The following ENOX1 variants were observed in gnomAD, a reference collection of about 807,000 sequenced individuals.
The protein encoded by ENOX1 is ecto-NOX disulfide-thiol exchanger 1.
Under a neutral mutation model 82.5 loss-of-function variants are expected in ENOX1, and 42 were observed. That is an observed-to-expected ratio of 0.51 (90% CI 0.40 to 0.66). The LOEUF is 0.66. ENOX1 is among the 30% of genes least tolerant of loss of function. ENOX1 has a pLI of 0.00. For missense variants in ENOX1, 608 were observed against 811.6 expected (o/e 0.75, Z 3.05); for synonymous variants, 271 against 282.2 (o/e 0.96, Z 0.40).
chr13:43,284,834 G>A (rs1194576590), intron 12 of ENOX1, among the ~76,000 whole-genome samples: 1 of 149,970 alleles, frequency 6.7e-6, no homozygotes, highest in African/African-American at 2.5e-5. Context: ...GGGGAGATAG[G>A]AATAGAGACA....
At position 43,412,812 on chromosome 13, in the gene ENOX1, T is replaced by G. The variant is rs79015657; in HGVS notation, c.70+33A>C. ...TTCCACTAAGAACTCAAAAAATCCT[T>G]GTTTGTGTCCTGTGCTGGCCACTGG... On this transcript the variant is annotated intron_variant, in intron 4 of 16. Transcript: ENST00000690772. 14,642 of 1,610,868 alleles carry G rather than the reference T, an allele frequency of 9.1e-3. 486 individuals carry two copies. The African/African-American group carries it at 0.099, about 11-fold the overall frequency.
At chr13:43,725,562 G>A (rs923115165) in intron 1 of ENOX1, among the ~76,000 whole-genome samples, 1 of 152,090 alleles carries the variant, frequency 6.6e-6, no homozygotes, top group Non-Finnish European at 1.5e-5. Flanking sequence ...TTCGACTCCT[G>A]TGTCAAATTT....
In ENOX1 at chr13:43,376,398, G is replaced by A. The variant is rs2051637091; in HGVS notation, c.209-14946C>T. Reference sequence around the variant, plus strand: ...GTTCAGTGTCTTTTCTTGATGTCTTGAACAAAGATTGCTATAATACACTCA... The same window carrying A: ...GTTCAGTGTCTTTTCTTGATGTCTTAAACAAAGATTGCTATAATACACTCA... On this transcript the variant is annotated intron_variant, in intron 5 of 16. Transcript: ENST00000690772. Among the ~76,000 whole-genome samples the A allele has an allele frequency of 2.0e-5, 3 of 152,106 alleles. No individual in the cohort carries two copies. In the South Asian group the frequency reaches 6.2e-4, roughly 31 times the overall value.
chr13:43,435,059 G>A (rs1044312981), intron 3 of ENOX1, among the ~76,000 whole-genome samples: 4 of 148,326 alleles, frequency 2.7e-5, no homozygotes, highest in African/African-American at 9.9e-5. Context: ...CATAATACCC[G>A]GCACGCAGAA....
At chr13:43,363,866 G>A (rs541397734) in intron 5 of ENOX1, among the ~76,000 whole-genome samples, 1 of 152,310 alleles carries the variant, frequency 6.6e-6, no homozygotes, top group South Asian at 2.1e-4. Flanking sequence ...TACCACTCTT[G>A]TACAACGTAT....
intron 2 of ENOX1, 69 bp from the exon 3 acceptor site, chr13:43,484,221 T>C: frequency 2.5e-6 from 2 of 815,926 alleles, no homozygotes; most frequent in Non-Finnish European, 3.0e-6. Context: ...ATGGTATTAT[T>C]ATCACTTATA....
Position 43,288,457 on chromosome 13 carries a change from T to TA in ENOX1, c.1446+9888dup, listed in dbSNP as rs1417680148. Among the ~76,000 whole-genome samples, 4 of 152,218 alleles carry TA rather than the reference T, an allele frequency of 2.6e-5. No individual in the cohort carries two copies. In the South Asian group the frequency reaches 6.2e-4, roughly 24 times the overall value. ...ACAGCTTGTAAAGACTCCAGGTTTTTATATGTGTATGTCTATTTATACATA... is the reference window on the plus strand; with the variant it reads ...ACAGCTTGTAAAGACTCCAGGTTTTTAATATGTGTATGTCTATTTATACATA... On this transcript the variant is annotated intron_variant, in intron 12 of 16. Coordinates refer to ENST00000690772, the MANE Select transcript of ENOX1 (RefSeq NM_001347969.2).
intron 2 of ENOX1, among the ~76,000 whole-genome samples, chr13:43,558,178 A>G (rs1224444670): frequency 6.6e-6 from 1 of 152,182 alleles, no homozygotes; most frequent in Non-Finnish European, 1.5e-5. Context: ...ACTGGGAAGA[A>G]CAGGACACAT....
chr13:43,692,420 A>G (rs1460524870), intron 1 of ENOX1, among the ~76,000 whole-genome samples: 3 of 152,214 alleles, frequency 2.0e-5, no homozygotes, highest in Non-Finnish European at 4.4e-5. Context: ...AAGGATTGAT[A>G]CATTTGATTG....
rs146059747 is a variant in ENOX1 at position 43,237,874 on chromosome 13, C to T, written c.1612-1136G>A. ...GAGCTTAATTTAACTTATGAGCTACCACTTTGTAATCCAGGGGTAATTAGA... is the reference window on the plus strand; with the variant it reads ...GAGCTTAATTTAACTTATGAGCTACTACTTTGTAATCCAGGGGTAATTAGA... On this transcript the variant is annotated intron_variant, in intron 14 of 16. Coordinates refer to ENST00000690772, the MANE Select transcript of ENOX1 (RefSeq NM_001347969.2). Among the ~76,000 whole-genome samples the T allele has an allele frequency of 4.5e-4, 68 of 152,234 alleles. 1 individual carries two copies. Among genetic ancestry groups the T allele is most frequent in the African/African-American group, 1.6e-3 (66 of 41,532 alleles).
rs895162335 is a variant in ENOX1, at chr13:43,704,758, C to G, written c.-284-37214G>C. Among the ~76,000 whole-genome samples the G allele has an allele frequency of 4.6e-5, 7 of 152,138 alleles. 1 individual carries two copies. The highest frequency in any genetic ancestry group is 4.6e-4 in the Admixed American group (7 of 15,272). ...TCCAAAGAGCACAGGATAAAACGAA[C>G]CAATGGAAGGCGGAAAGAACCAAAT... is the stretch of plus-strand genomic sequence containing the variant. On this transcript the variant is annotated intron_variant, in intron 1 of 16. Coordinates refer to ENST00000690772, the MANE Select transcript of ENOX1 (RefSeq NM_001347969.2).
intron 5 of ENOX1, among the ~76,000 whole-genome samples, chr13:43,395,433 T>C (rs1188563717): frequency 1.3e-5 from 2 of 152,158 alleles, no homozygotes; most frequent in East Asian, 1.9e-4. Context: ...GGAGGATCAC[T>C]TGGATAGCTT....
chr13:43,360,501 A>G (rs1172220366), intron 6 of ENOX1, among the ~76,000 whole-genome samples: 1 of 152,068 alleles, frequency 6.6e-6, no homozygotes, highest in African/African-American at 2.4e-5. Context: ...AAGCACGCAC[A>G]ATACTTACTT....
intron 1 of ENOX1, among the ~76,000 whole-genome samples, chr13:43,752,138 T>C (rs948617959): frequency 6.6e-6 from 1 of 152,206 alleles, no homozygotes; most frequent in Non-Finnish European, 1.5e-5. Flanking sequence ...TGATTAATCA[T>C]GTTGAGCATC....
intron 2 of ENOX1, among the ~76,000 whole-genome samples, chr13:43,540,912 A>C (rs762530016): frequency 2.6e-5 from 4 of 152,166 alleles, no homozygotes; most frequent in Non-Finnish European, 5.9e-5. Flanking sequence ...TCAACAGCAC[A>C]TAAGAATCTC....
chr13:43,671,464 A>G (rs2085262484), intron 1 of ENOX1, among the ~76,000 whole-genome samples: 1 of 152,218 alleles, frequency 6.6e-6, no homozygotes, highest in Non-Finnish European at 1.5e-5. Flanking sequence ...TAGAAAGCAA[A>G]CAAAAGTTCT....
intron 5 of ENOX1, among the ~76,000 whole-genome samples, chr13:43,385,210 TATC>T (rs2052334503): frequency 6.6e-6 from 1 of 152,176 alleles, no homozygotes; most frequent in Non-Finnish European, 1.5e-5. Flanking sequence ...TATCTTATAA[TATC>T]AATAAATAAC....
intron 5 of ENOX1, among the ~76,000 whole-genome samples, chr13:43,366,511 C>T (rs1055187385): frequency 1.3e-5 from 2 of 152,138 alleles, no homozygotes; most frequent in East Asian, 1.9e-4. Context: ...CTCCTGACCT[C>T]GTGATCTGCC....
chr13:43,591,131 G>A (rs2081228978), intron 2 of ENOX1, among the ~76,000 whole-genome samples: 1 of 152,118 alleles, frequency 6.6e-6, no homozygotes, highest in Admixed American at 6.5e-5. Context: ...ATGACTAGAT[G>A]TATTATTTCC....
Sources: allele counts gnomAD v4.1 joint callset (sites outside exome capture counted in the v4.1 genomes callset), GRCh38; gene constraint gnomAD v4.1.1; transcripts MANE v1.5; gene names NCBI Gene and HGNC (gene_info 2026-07-23, HGNC 2026-07-21).